The following IQSEC1 variants were observed in gnomAD, a reference collection of about 807,000 sequenced individuals.
The protein encoded by IQSEC1 is IQ motif and SEC7 domain-containing protein 1.
In IQSEC1, 31 loss-of-function variants were observed where a neutral mutation model predicts 91.0. That is an observed-to-expected ratio of 0.34 (90% CI 0.26 to 0.46). IQSEC1 has a LOEUF of 0.46. Among genes scored for constraint, IQSEC1 ranks in the 20% least tolerant of loss-of-function variants. The pLI, the probability that IQSEC1 is intolerant of heterozygous loss-of-function variation, is 1.00. For synonymous variants in IQSEC1, 699 were observed against 662.6 expected, an observed-to-expected ratio of 1.05 and a Z score of -0.84; for missense variants, 1,388 against 1,575.6, an observed-to-expected ratio of 0.88 and a Z score of 2.02.
At chr3:12,985,306 G>C (rs905872155) in intron 1 of IQSEC1, among the ~76,000 whole-genome samples, 1 of 152,154 alleles carries the variant, frequency 6.6e-6, no homozygotes, top group African/African-American at 2.4e-5. Context: ...CAGGAGCCCA[G>C]AGAGGGCCAG....
At chr3:12,993,460 G>A (rs948348096) in intron 1 of IQSEC1, among the ~76,000 whole-genome samples, 1 of 152,112 alleles carries the variant, frequency 6.6e-6, no homozygotes, top group African/African-American at 2.4e-5. Flanking sequence ...CAGCAGCGGT[G>A]GTGGAGGCGG....
At chr3:13,102,417 G>C (rs1014327405) in intron 2 of IQSEC1, among the ~76,000 whole-genome samples, 2 of 152,128 alleles carry the variant, frequency 1.3e-5, no homozygotes, top group African/African-American at 4.8e-5. Flanking sequence ...GGTTGGTGTT[G>C]GTGGGGGGCT....
chr3:12,996,881 A>G (rs917971966), intron 1 of IQSEC1, among the ~76,000 whole-genome samples: 1 of 152,236 alleles, frequency 6.6e-6, no homozygotes, highest in African/African-American at 2.4e-5. Flanking sequence ...GCAAAAACGA[A>G]TAAGTTTGCT....
rs762507396 is a variant in IQSEC1, at chr3:12,967,451, T to A, written c.24-25586A>T. The A allele has an allele frequency of 2.3e-5, 35 of 1,518,974 alleles. No individual in the cohort carries two copies. The highest frequency in any genetic ancestry group is 2.9e-5 in the Non-Finnish European group (33 of 1,138,710). 94.1% of individuals were successfully genotyped at this position (1,518,974 alleles called of 1,614,324 possible). A position where few individuals can be genotyped will look rare whatever the true frequency, so the allele number is the denominator to read the frequency against. On this transcript the variant is annotated intron_variant, in intron 1 of 13. Coordinates refer to ENST00000613206, the MANE Select transcript of IQSEC1 (RefSeq NM_001134382.3). This position sits in a 1 kb window ranked among gnomAD's most constrained non-coding sequence, Gnocchi z 5.9. ...TCCGAGTTGCAGTGCAGGCACCACA[T>A]GGCGGCCGCAGTGGGAGCGGGCCGG...
At chr3:12,945,934 C>A (rs1305642743) in intron 1 of IQSEC1, among the ~76,000 whole-genome samples, 1 of 152,220 alleles carries the variant, frequency 6.6e-6, no homozygotes, top group Non-Finnish European at 1.5e-5. Context: ...TATTTTCTGG[C>A]TGAACTCGTA....
intron 2 of IQSEC1, among the ~76,000 whole-genome samples, chr3:13,148,263 C>T (rs62234200): frequency 0.067 from 10,158 of 152,204 alleles, 461 homozygotes; most frequent in South Asian, 0.14. Context: ...CTCATCATCG[C>T]CATCCTCACA....
rs995059567 is a variant in IQSEC1, at chr3:12,979,834, G to A, written c.24-37969C>T. On this transcript the variant is annotated intron_variant, in intron 1 of 13. Transcript: ENST00000613206. The surrounding 1 kb of genome is among the most constrained non-coding windows in gnomAD (Gnocchi z 4.3). ...CCTGTGCCTCACCCGGAATCGTTTC[G>A]CGGCCTGGATCTCATACTTCCTGAA... is the stretch of plus-strand genomic sequence containing the variant. 3.3e-5 allele frequency among the ~76,000 whole-genome samples: 5 copies of A among 152,104 alleles called. No individual in the cohort carries two copies. The East Asian group carries it at 9.7e-4, about 29-fold the overall frequency.
intron 1 of IQSEC1, among the ~76,000 whole-genome samples, chr3:13,264,715 G>C (rs1015810862): frequency 6.6e-6 from 1 of 151,936 alleles, no homozygotes; most frequent in Non-Finnish European, 1.5e-5. Context: ...AGCGGGAGGA[G>C]GACGGAGGAG....
chr3:12,978,726 A>G (rs1701312911), intron 1 of IQSEC1, among the ~76,000 whole-genome samples: 1 of 152,064 alleles, frequency 6.6e-6, no homozygotes, highest in Admixed American at 6.6e-5. Context: ...TAAATAAATA[A>G]AAAAGAATCT....
At position 13,044,732 on chromosome 3, in the gene IQSEC1, G is replaced by A. The variant is rs547576095; in HGVS notation, c.23+28260C>T. ...AGAAGGACATTAGCTTCCCTCTCAC[G>A]CCTGTGGCAGAGGAAGCCGGCTGTG... On this transcript the variant is annotated intron_variant, in intron 1 of 13. Transcript: ENST00000613206. 1.1e-3 allele frequency among the ~76,000 whole-genome samples: 173 copies of A among 151,582 alleles called. 1 individual carries two copies. The highest frequency in any genetic ancestry group is 1.4e-3 in the Non-Finnish European group (94 of 67,822).
Position 12,936,491 on chromosome 3 carries a change from G to A in IQSEC1, c.525C>T (p.Ser175=). 6.2e-7 allele frequency: 1 copy of A among 1,613,422 alleles called. No homozygotes were observed. Among genetic ancestry groups the A allele is most frequent in the Non-Finnish European group, 8.5e-7 (1 of 1,179,928 alleles). The change falls in exon 3 of 14, where the codon AGC becomes AGT. Residue 175 remains serine, a synonymous_variant. Coordinates refer to ENST00000613206, the MANE Select transcript of IQSEC1 (RefSeq NM_001134382.3). The part of the protein sequence containing the change: ...FSFEGPEKVH[S]SYFEGKQVSV... ...AGACCTGCTTCCCCTCGAAGTAGGAGCTGTGCACTTTCTCAGGCCCCTCAA... is the reference window on the plus strand; with the variant it reads ...AGACCTGCTTCCCCTCGAAGTAGGAACTGTGCACTTTCTCAGGCCCCTCAA...
chr3:13,047,002 C>T (rs1490545015), intron 1 of IQSEC1, among the ~76,000 whole-genome samples: 4 of 152,178 alleles, frequency 2.6e-5, no homozygotes, highest in Admixed American at 2.6e-4. Flanking sequence ...TGGAAGACAT[C>T]AAGATACAAA....
intron 1 of IQSEC1, among the ~76,000 whole-genome samples, chr3:13,213,419 T>C (rs985744956): frequency 6.6e-6 from 1 of 152,214 alleles, no homozygotes; most frequent in African/African-American, 2.4e-5. Flanking sequence ...ATGATGACTG[T>C]TGGTTTATAG....
intron 1 of IQSEC1, among the ~76,000 whole-genome samples, chr3:12,947,108 C>A (rs958542705): frequency 3.3e-5 from 5 of 152,230 alleles, no homozygotes; most frequent in African/African-American, 1.2e-4. Flanking sequence ...GGCTGTGCAG[C>A]CGGGAGGAAA....
At chr3:13,031,226 G>A (rs1703830147) in intron 1 of IQSEC1, among the ~76,000 whole-genome samples, 1 of 152,236 alleles carries the variant, frequency 6.6e-6, no homozygotes, top group Admixed American at 6.5e-5. Context: ...TGGCCTACAG[G>A]TAAGGGCCAC....
At chr3:13,151,909 C>T (rs138428524) in intron 2 of IQSEC1, among the ~76,000 whole-genome samples, 148 of 152,082 alleles carry the variant, frequency 9.7e-4, no homozygotes, top group African/African-American at 3.4e-3. Context: ...GAGGTTGCAG[C>T]GACCCAAGAT....
intron 1 of IQSEC1, among the ~76,000 whole-genome samples, chr3:12,958,636 G>A (rs1176304202): frequency 6.6e-6 from 1 of 152,226 alleles, no homozygotes; most frequent in Non-Finnish European, 1.5e-5. Context: ...GAGGTCTGAA[G>A]GAACATAGAC....
intron 2 of IQSEC1, among the ~76,000 whole-genome samples, chr3:13,091,350 T>C (rs901048129): frequency 1.3e-5 from 2 of 152,236 alleles, no homozygotes; most frequent in African/African-American, 2.4e-5. Flanking sequence ...GCTCAAGCCA[T>C]AGACCGTGCC....
At chr3:13,115,893 C>T (rs1467864555) in intron 2 of IQSEC1, among the ~76,000 whole-genome samples, 1 of 152,242 alleles carries the variant, frequency 6.6e-6, no homozygotes, top group Non-Finnish European at 1.5e-5. Context: ...CTGCCTGGAC[C>T]TGCTCCCCAC....
Sources: allele counts gnomAD v4.1 joint callset (sites outside exome capture counted in the v4.1 genomes callset), GRCh38; gene constraint gnomAD v4.1.1; non-coding constraint Gnocchi (gnomAD v3.1); transcripts MANE v1.5; gene names NCBI Gene and HGNC (gene_info 2026-07-23, HGNC 2026-07-21).